ZNF763: variants seen among roughly 807,000 people sequenced by gnomAD.
ZNF763 encodes the protein zinc finger protein 763.
A neutral mutation model predicts 38.0 loss-of-function variants in ZNF763; 33 were observed. The observed-to-expected ratio is 0.87, with a 90% CI of 0.66 to 1.16. The LOEUF is 1.16. ZNF763 is among the 50% of genes most tolerant of loss of function. ZNF763 has a pLI of 0.00. For missense variants in ZNF763, 423 were observed against 469.1 expected (o/e 0.90, Z 0.91); for synonymous variants, 155 against 160.1 (o/e 0.97, Z 0.24).
intron 1 of ZNF763, among the ~76,000 whole-genome samples, chr19:11,972,326 A>C (rs1659555826): frequency 6.6e-6 from 1 of 152,182 alleles, no homozygotes; most frequent in Non-Finnish European, 1.5e-5. Flanking sequence ...AAAGAAAAAA[A>C]TGAGTTTCAA....
At chr19:11,972,263 C>T (rs1298241915) in intron 1 of ZNF763, among the ~76,000 whole-genome samples, 1 of 149,326 alleles carries the variant, frequency 6.7e-6, no homozygotes, top group Admixed American at 6.7e-5. Context: ...CCAGCCTGGG[C>T]AACAGAATGA....
Position 11,978,242 on chromosome 19 carries a change from TG to T in ZNF763, c.319del (p.Asp107IlefsTer10). 6.2e-7 allele frequency: 1 copy of T among 1,613,942 alleles called. No individual in the cohort carries two copies. The highest frequency in any genetic ancestry group is 2.2e-5 in the East Asian group (1 of 44,882). On this transcript the variant is annotated frameshift_variant, in exon 4 of 4. Coordinates refer to ENST00000358987, the MANE Select transcript of ZNF763 (RefSeq NM_001367172.2). LOFTEE classifies it high-confidence loss of function. ...AAGCTTCTCCTGAAGCAAAATCATGTGATAACTTTGTATGTGGAGAAGTTGG... is the reference window on the plus strand; with the variant it reads ...AAGCTTCTCCTGAAGCAAAATCATGTATAACTTTGTATGTGGAGAAGTTGG... The part of the protein sequence containing the change: ...KKASPEAKSC[D>X]NFVCGEVGIG...
In ZNF763 at chr19:11,978,314, G is replaced by A. The variant is rs1244790614; in HGVS notation, c.390G>A (p.Gly130=). 6 of 1,614,060 alleles carry A rather than the reference G, an allele frequency of 3.7e-6. No homozygotes were observed. The highest frequency in any genetic ancestry group is 5.1e-6 in the Non-Finnish European group (6 of 1,180,016). The change falls in exon 4 of 4, where the codon GGG becomes GGA. Residue 130 remains glycine, a synonymous_variant. Coordinates refer to ENST00000358987, the MANE Select transcript of ZNF763 (RefSeq NM_001367172.2). ...ATATGAACATCAGAGGTGACATTGGGCACAAGGCATACGAGTATCAGGACT... is the reference window on the plus strand; with the variant it reads ...ATATGAACATCAGAGGTGACATTGGACACAAGGCATACGAGTATCAGGACT... ...SFNMNIRGDI[G]HKAYEYQDYA...
intron 1 of ZNF763, among the ~76,000 whole-genome samples, chr19:11,971,557 C>A (rs910839463): frequency 6.6e-6 from 1 of 152,018 alleles, no homozygotes; most frequent in Admixed American, 6.6e-5. Context: ...GTGAAAAAAA[C>A]AAACTGCCTT....
At chr19:11,975,981 C>T (rs1231834882) in intron 1 of ZNF763, among the ~76,000 whole-genome samples, 1 of 150,742 alleles carries the variant, frequency 6.6e-6, no homozygotes, top group Non-Finnish European at 1.5e-5. Context: ...GACAGGATAA[C>T]TGCAAACTGA....
chr19:11,967,564 C>T (rs1286510529), intron 1 of ZNF763, among the ~76,000 whole-genome samples: 3 of 152,034 alleles, frequency 2.0e-5, no homozygotes, highest in Non-Finnish European at 4.4e-5. Flanking sequence ...CCACCACGCT[C>T]GGCTAATTTT....
chr19:11,965,161 A>C lies in ZNF763; in HGVS notation c.-48A>C. 2 of 1,613,354 alleles carry C rather than the reference A, an allele frequency of 1.2e-6. No homozygotes were observed. The highest frequency in any genetic ancestry group is 1.7e-6 in the Non-Finnish European group (2 of 1,179,408). On this transcript the variant is annotated 5_prime_UTR_variant, in exon 1 of 4. Transcript: ENST00000358987. The stretch of plus-strand genomic sequence containing the variant: ...TGTCTCCTGCGCTGTGCCCTTCTGT[A>C]GTCACAGGAGCTGTAGAGAGGACCC...
chr19:11,975,053 CTGA>C (rs1973454791), intron 1 of ZNF763, among the ~76,000 whole-genome samples: 4 of 151,692 alleles, frequency 2.6e-5, no homozygotes, highest in Non-Finnish European at 4.4e-5. Flanking sequence ...TGCAATTATC[CTGA>C]TGTTTCTTGC....
chr19:11,977,358 G>A lies in ZNF763; in HGVS notation c.131-13G>A. 6.2e-7 allele frequency: 1 copy of A among 1,613,386 alleles called. No individual in the cohort carries two copies. The highest frequency in any genetic ancestry group is 8.5e-7 in the Non-Finnish European group (1 of 1,179,750). ...TATTGCTTCAGGACTACTTTTCTGT[G>A]TCTGTATTTTAGGGAAAAAGTGGAA... On this transcript the variant is annotated splice_polypyrimidine_tract_variant and intron_variant, in intron 2 of 3. Transcript: ENST00000358987.
chr19:11,979,856 A>G lies in ZNF763; in HGVS notation c.*747A>G. Reference sequence around the variant, plus strand: ...CAAGAACCTTCGAATTCATGAAAGGACACAAACACACGTAAGAATGCACTC... The same window carrying G: ...CAAGAACCTTCGAATTCATGAAAGGGCACAAACACACGTAAGAATGCACTC... On this transcript the variant is annotated 3_prime_UTR_variant, in exon 4 of 4. Coordinates refer to ENST00000358987, the MANE Select transcript of ZNF763 (RefSeq NM_001367172.2). 2.7e-6 allele frequency: 4 copies of G among 1,501,592 alleles called. No individual in the cohort carries two copies. Among genetic ancestry groups the G allele is most frequent in the Middle Eastern group, 1.7e-4 (1 of 5,804 alleles). 93.0% of individuals were successfully genotyped at this position (1,501,592 alleles called of 1,614,324 possible).
In ZNF763 at chr19:11,979,347, A is replaced by G; in HGVS notation, c.*238A>G. On this transcript the variant is annotated 3_prime_UTR_variant, in exon 4 of 4. Transcript: ENST00000358987. ...GAAGGCATGGTAGGACTCACTGGAGAGAAACCCTATGAGTGTAAGGAATGT... is the reference window on the plus strand; with the variant it reads ...GAAGGCATGGTAGGACTCACTGGAGGGAAACCCTATGAGTGTAAGGAATGT... 1 of 1,611,566 alleles carries G rather than the reference A, an allele frequency of 6.2e-7. No homozygotes were observed.
intron 1 of ZNF763, among the ~76,000 whole-genome samples, chr19:11,967,260 C>T (rs1028526317): frequency 6.6e-6 from 1 of 152,132 alleles, no homozygotes; most frequent in Non-Finnish European, 1.5e-5. Context: ...CACTTGAACC[C>T]AGGAGGCAGA....
intron 1 of ZNF763, among the ~76,000 whole-genome samples, chr19:11,970,177 G>A (rs1423840085): frequency 2.0e-5 from 3 of 152,230 alleles, no homozygotes; most frequent in Admixed American, 2.0e-4. Flanking sequence ...CCAATCGGAT[G>A]TTGCTAATGA....
chr19:11,975,849 G>GAT (rs1973478675), intron 1 of ZNF763, among the ~76,000 whole-genome samples: 1 of 151,872 alleles, frequency 6.6e-6, no homozygotes, highest in Non-Finnish European at 1.5e-5. Context: ...ATTACACCTG[G>GAT]ATATATACAC....
Position 11,978,889 on chromosome 19 carries a change from G to A in ZNF763, c.965G>A (p.Arg322His), listed in dbSNP as rs79043756. 5,163 of 1,614,040 alleles carry A rather than the reference G, an allele frequency of 3.2e-3. 126 individuals are homozygous for A. The African/African-American group carries it at 0.059, about 18-fold the overall frequency. ...CECSKCNKAFRSYRSYLRHKR... is the reference protein window; with the variant it reads ...CECSKCNKAFHSYRSYLRHKR... ...TGTAGCAAATGTAATAAAGCATTCC[G>A]TAGTTACAGATCCTATCTTAGACAT... Residue 322 changes from arginine (R) to histidine (H), a missense_variant, in exon 4 of 4, where the codon CGT becomes CAT. Physicochemically the swap from Arg to His is conservative, Grantham distance 29. Transcript: ENST00000358987.
chr19:11,965,319 G>T, intron 1 of ZNF763, 108 bp downstream of exon 1: 1 of 1,491,592 alleles, frequency 6.7e-7, no homozygotes, highest in East Asian at 2.4e-5. Flanking sequence ...TCCAGGGTCT[G>T]GGACCGAGTC....
chr19:11,968,022 A>T (rs1973273110), intron 1 of ZNF763, among the ~76,000 whole-genome samples: 1 of 152,156 alleles, frequency 6.6e-6, no homozygotes, highest in African/African-American at 2.4e-5. Context: ...TCGTTGTGGG[A>T]GTGTAAGGAT....
chr19:11,978,213 A>G lies in ZNF763; in HGVS notation c.289A>G (p.Lys97Glu), dbSNP rs1337003490. The G allele has an allele frequency of 1.2e-6, 2 of 1,613,668 alleles. No individual in the cohort carries two copies. The highest frequency in any genetic ancestry group is 1.7e-6 in the Non-Finnish European group (2 of 1,179,952). ...VPDDRLNFQE[K>E]KASPEAKSCD... Reference sequence around the variant, plus strand: ...AGATGACAGGCTGAACTTCCAGGAGAAGAAAGCTTCTCCTGAAGCAAAATC... The same window carrying G: ...AGATGACAGGCTGAACTTCCAGGAGGAGAAAGCTTCTCCTGAAGCAAAATC... The change falls in exon 4 of 4, where the codon AAG becomes GAG. Residue 97 changes from lysine to glutamate, a missense_variant. Lys to Glu is a moderately conservative substitution (Grantham distance 56). Coordinates refer to ENST00000358987, the MANE Select transcript of ZNF763 (RefSeq NM_001367172.2).
chr19:11,976,975 G>T (rs977628472), intron 1 of ZNF763, 63 bp from the exon 2 acceptor site: 2 of 1,593,350 alleles, frequency 1.3e-6, no homozygotes, highest in African/African-American at 2.7e-5. Flanking sequence ...CTTGGGAATA[G>T]AGTCTAGGCC....
Sources: allele counts gnomAD v4.1 joint callset (sites outside exome capture counted in the v4.1 genomes callset), GRCh38; gene constraint gnomAD v4.1.1; transcripts MANE v1.5; gene names NCBI Gene and HGNC (gene_info 2026-07-23, HGNC 2026-07-21).